The following TCF20 variants were observed in gnomAD, a reference collection of about 807,000 sequenced individuals.
The protein encoded by TCF20 is transcription factor 20, also known as SPRE-binding protein.
Under a neutral mutation model 148.6 loss-of-function variants are expected in TCF20, and 3 were observed. The ratio of observed to expected loss-of-function variants is 0.02; its 90% confidence interval spans 0.01 to 0.05. TCF20 has a LOEUF of 0.05. Ranked by LOEUF, TCF20 falls within the 10% of genes least tolerant of loss-of-function variation. TCF20 has a pLI of 1.00. For synonymous variants in TCF20, 1,049 were observed against 909.5 expected, an observed-to-expected ratio of 1.15 and a Z score of -2.76; for missense variants, 2,350 against 2,429.3, an observed-to-expected ratio of 0.97 and a Z score of 0.69.
At chr22:42,247,585 G>C (rs1033481475) in intron 1 of TCF20, among the ~76,000 whole-genome samples, 5 of 152,128 alleles carry the variant, frequency 3.3e-5, no homozygotes, top group Non-Finnish European at 5.9e-5. Context: ...AGGCAGGGCA[G>C]GGTCCTACCA....
chr22:42,242,528 C>A (rs1924534708), intron 1 of TCF20, among the ~76,000 whole-genome samples: 1 of 152,014 alleles, frequency 6.6e-6, no homozygotes, highest in East Asian at 1.9e-4. Flanking sequence ...GACGAACTTA[C>A]AACACTCTCA....
chr22:42,311,406 G>A (rs999368325), intron 1 of TCF20, among the ~76,000 whole-genome samples: 1 of 152,226 alleles, frequency 6.6e-6, no homozygotes, highest in Non-Finnish European at 1.5e-5. Flanking sequence ...GAGAAACGAG[G>A]ACATTTTTGC....
chr22:42,241,885 A>C (rs1032002684), intron 1 of TCF20, among the ~76,000 whole-genome samples: 9 of 151,986 alleles, frequency 5.9e-5, no homozygotes, highest in African/African-American at 2.2e-4. Flanking sequence ...AAAACAGGTC[A>C]AAGTAATCTA....
chr22:42,250,259 T>C (rs1426229364), intron 1 of TCF20, among the ~76,000 whole-genome samples: 2 of 151,928 alleles, frequency 1.3e-5, no homozygotes, highest in Non-Finnish European at 2.9e-5. Context: ...GCCAATACGG[T>C]GAAATCCTGT....
chr22:42,304,594 C>T (rs764100088), intron 1 of TCF20, among the ~76,000 whole-genome samples: 13 of 152,202 alleles, frequency 8.5e-5, no homozygotes, highest in Non-Finnish European at 1.8e-4. Flanking sequence ...AGCAAGTCTA[C>T]GTCTGTTGTG....
chr22:42,239,464 G>GA (rs1601643499), intron 1 of TCF20, among the ~76,000 whole-genome samples: 1 of 136,676 alleles, frequency 7.3e-6, no homozygotes. Flanking sequence ...GAACAAGAGT[G>GA]AAAATCTCTC....
intron 1 of TCF20, among the ~76,000 whole-genome samples, chr22:42,340,318 T>C (rs748332635): frequency 3.9e-5 from 6 of 152,196 alleles, no homozygotes; most frequent in Non-Finnish European, 8.8e-5. Flanking sequence ...CTGTTCTGGA[T>C]GAATGAATGA....
chr22:42,309,396 C>A (rs893363841), intron 1 of TCF20, among the ~76,000 whole-genome samples: 1 of 152,086 alleles, frequency 6.6e-6, no homozygotes, highest in Non-Finnish European at 1.5e-5. Context: ...CTCAACCTGT[C>A]ACCCAGACCC....
upstream of TCF20, among the ~76,000 whole-genome samples, chr22:42,286,494 T>C (rs1927033592): frequency 6.6e-6 from 1 of 152,152 alleles, no homozygotes; most frequent in Admixed American, 6.5e-5. Flanking sequence ...GGACCTACCT[T>C]ATAAGGTTGC....
chr22:42,287,080 C>A (rs982879186), upstream of TCF20, among the ~76,000 whole-genome samples: 9 of 151,400 alleles, frequency 5.9e-5, no homozygotes, highest in African/African-American at 2.2e-4. Flanking sequence ...GAGGAGGGGG[C>A]AAATGCATGG....
chr22:42,245,961 T>C (rs1924867703), intron 1 of TCF20, among the ~76,000 whole-genome samples: 1 of 152,104 alleles, frequency 6.6e-6, no homozygotes, highest in Non-Finnish European at 1.5e-5. Context: ...GTTGTCTGTT[T>C]CCCACACAAT....
intron 2 of TCF20, among the ~76,000 whole-genome samples, chr22:42,189,939 G>A (rs773161999): frequency 1.1e-4 from 17 of 152,278 alleles, no homozygotes; most frequent in Admixed American, 2.0e-4. Context: ...GGAAGTTCTC[G>A]GAGTTTTTCA....
chr22:42,161,602 G>A (rs1935464217), intron 5 of TCF20, among the ~76,000 whole-genome samples: 1 of 152,206 alleles, frequency 6.6e-6, no homozygotes, highest in Non-Finnish European at 1.5e-5. Flanking sequence ...GACTCTGAGG[G>A]CTCCTCAGGG....
chr22:42,235,583 C>T (rs1317810991), intron 1 of TCF20, among the ~76,000 whole-genome samples: 3 of 152,200 alleles, frequency 2.0e-5, no homozygotes, highest in Non-Finnish European at 2.9e-5. Context: ...TTTATTTGTA[C>T]ATACAATTGC....
chr22:42,292,235 C>A lies in TCF20; in HGVS notation c.-37+51244G>T, dbSNP rs1927146085. ...CCATTTTGCAAGAAGAAAGCTCACCCAGGTCCCACGGCGGTAGTAGGCAAT... is the reference window on the plus strand; with the variant it reads ...CCATTTTGCAAGAAGAAAGCTCACCAAGGTCCCACGGCGGTAGTAGGCAAT... On this transcript the variant is annotated intron_variant, in intron 1 of 1. Transcript: ENST00000515426. The surrounding 1 kb of genome is among the most constrained non-coding windows in gnomAD (Gnocchi z 4.9). Among the ~76,000 whole-genome samples, 1 of 152,204 alleles carries A rather than the reference C, an allele frequency of 6.6e-6. No individual in the cohort carries two copies. The highest frequency in any genetic ancestry group is 1.9e-4 in the East Asian group (1 of 5,196).
intron 1 of TCF20, among the ~76,000 whole-genome samples, chr22:42,243,292 C>CAAAAAA (rs3045578): frequency 0.065 from 2,562 of 39,404 alleles, 736 homozygotes; most frequent in Non-Finnish European, 0.091. Flanking sequence ...GACACTGTCT[C>CAAAAAA]AAAAAAAAAA....
chr22:42,255,331 CA>C (rs879456038), intron 1 of TCF20, among the ~76,000 whole-genome samples: 1 of 151,230 alleles, frequency 6.6e-6, no homozygotes, highest in Non-Finnish European at 1.5e-5. Flanking sequence ...CTAAAAATAC[CA>C]AAAAAAAGTA....
intron 3 of TCF20, among the ~76,000 whole-genome samples, chr22:42,174,839 TC>T (rs1283301233): frequency 2.0e-5 from 3 of 151,816 alleles, no homozygotes; most frequent in Non-Finnish European, 2.9e-5. Flanking sequence ...ATCGAGACCA[TC>T]CCGGCTAACA....
At chr22:42,321,722 C>T (rs992893339) in intron 1 of TCF20, among the ~76,000 whole-genome samples, 3 of 151,504 alleles carry the variant, frequency 2.0e-5, no homozygotes, top group Non-Finnish European at 3.0e-5. Context: ...GGAGGTGGGC[C>T]GATCACCTGA....
Sources: allele counts gnomAD v4.1 joint callset (sites outside exome capture counted in the v4.1 genomes callset), GRCh38; gene constraint gnomAD v4.1.1; non-coding constraint Gnocchi (gnomAD v3.1); transcripts MANE v1.5; gene names NCBI Gene and HGNC (gene_info 2026-07-23, HGNC 2026-07-21).